Variants in MCPH1 observed in about 807,000 individuals in gnomAD.
MCPH1 encodes the protein microcephalin 1, also known as microcephalin.
A neutral mutation model predicts 84.5 loss-of-function variants in MCPH1; 104 were observed. The observed-to-expected ratio is 1.23, with a 90% CI of 1.05 to 1.45. The LOEUF is 1.45. Among genes scored for constraint, MCPH1 ranks in the 40% most tolerant of loss-of-function variants. The pLI is 0.00. For missense variants in MCPH1, 1,498 were observed against 1,005.7 expected (o/e 1.49, Z -6.62); for synonymous variants, 514 against 366.8 (o/e 1.40, Z -4.58).
chr8:6,436,668 T>TTA (rs1344640969), intron 5 of MCPH1, among the ~76,000 whole-genome samples: 4 of 150,918 alleles, frequency 2.7e-5, no homozygotes, highest in Admixed American at 6.6e-5. Flanking sequence ...AATAATATTT[T>TTA]TATATATAAG....
At chr8:6,611,797 T>C (rs1185491952) in intron 12 of MCPH1, among the ~76,000 whole-genome samples, 2 of 152,126 alleles carry the variant, frequency 1.3e-5, no homozygotes, top group Non-Finnish European at 2.9e-5. Context: ...TTTTTGTATT[T>C]TTAGCGGAGA....
At chr8:6,435,748 C>CA (rs1396615050) in intron 4 of MCPH1, among the ~76,000 whole-genome samples, 3 of 151,944 alleles carry the variant, frequency 2.0e-5, no homozygotes, top group African/African-American at 4.8e-5. Flanking sequence ...GTAAGAACAG[C>CA]AAAAAATCGA....
intron 13 of MCPH1, chr8:6,624,924 AG>A (rs2129581325): frequency 1.1e-6 from 1 of 907,132 alleles, no homozygotes; most frequent in African/African-American, 1.8e-5. Context: ...ACCAGGCTGG[AG>A]TGTGCAGTGA....
At chr8:6,482,059 C>T (rs1344248733) in intron 11 of MCPH1, among the ~76,000 whole-genome samples, 2 of 152,166 alleles carry the variant, frequency 1.3e-5, no homozygotes, top group African/African-American at 2.4e-5. Context: ...TGCTGCTTGC[C>T]CTCACTTAGT....
At chr8:6,510,680 G>C (rs962784798) in intron 12 of MCPH1, among the ~76,000 whole-genome samples, 9 of 152,176 alleles carry the variant, frequency 5.9e-5, no homozygotes, top group African/African-American at 1.7e-4. Context: ...ATTTGCACCA[G>C]ATGCAGCAAA....
At chr8:6,408,115 A>G (rs1797998723) in intron 1 of MCPH1, among the ~76,000 whole-genome samples, 1 of 152,228 alleles carries the variant, frequency 6.6e-6, no homozygotes, top group South Asian at 2.1e-4. Flanking sequence ...AAGCGTAAGA[A>G]TTTGGGGAAA....
intron 9 of MCPH1, among the ~76,000 whole-genome samples, chr8:6,465,604 G>C (rs935336483): frequency 9.9e-5 from 15 of 152,174 alleles, no homozygotes; most frequent in African/African-American, 3.6e-4. Context: ...CTTTGTTGTG[G>C]CTGGACGCAT....
intron 12 of MCPH1, chr8:6,562,525 C>G: frequency 1.2e-6 from 1 of 853,446 alleles, no homozygotes; most frequent in South Asian, 2.9e-5. Flanking sequence ...AACCCGCTCT[C>G]CAGCTCTAAT....
At chr8:6,513,961 G>T (rs1316436460) in intron 12 of MCPH1, 1 of 987,750 alleles carries the variant, frequency 1.0e-6, no homozygotes, top group East Asian at 2.7e-5. Flanking sequence ...ATTCCTTCTG[G>T]TGCTGTGACA....
intron 11 of MCPH1, chr8:6,494,471 G>C (rs1320905530): frequency 6.6e-6 from 1 of 152,178 alleles, no homozygotes; most frequent in Non-Finnish European, 1.5e-5. Flanking sequence ...GGGTAAGGCA[G>C]TTTCTTTATC....
chr8:6,584,521 C>T (rs557193934), intron 12 of MCPH1, among the ~76,000 whole-genome samples: 3 of 152,302 alleles, frequency 2.0e-5, no homozygotes, highest in Admixed American at 6.5e-5. Flanking sequence ...CACTTCACAT[C>T]TATAATAAAC....
chr8:6,429,865 A>C (rs996792184), intron 3 of MCPH1, among the ~76,000 whole-genome samples: 3 of 151,686 alleles, frequency 2.0e-5, no homozygotes, highest in African/African-American at 7.3e-5. Flanking sequence ...CCTCCCTCAC[A>C]CCTGTCCCCA....
chr8:6,643,154 G>C lies in MCPH1; in HGVS notation c.*105G>C. 1 of 926,528 alleles carries C rather than the reference G, an allele frequency of 1.1e-6. No homozygotes were observed. The allele number at this position is 926,528 out of a possible 1,614,324, so 57.4% of individuals were successfully genotyped here. ...GAAGAGAAGGAACTGGCGTATACAA[G>C]ATGACTTCTGATATCATGTTTGCCA... On this transcript the variant is annotated 3_prime_UTR_variant, in exon 14 of 14. Transcript: ENST00000344683.
At chr8:6,614,221 G>T (rs1168477354) in intron 12 of MCPH1, among the ~76,000 whole-genome samples, 1 of 152,230 alleles carries the variant, frequency 6.6e-6, no homozygotes, top group Non-Finnish European at 1.5e-5. Flanking sequence ...TGGTTTTGGA[G>T]ACGGTTGTGC....
intron 3 of MCPH1, among the ~76,000 whole-genome samples, chr8:6,425,294 A>G (rs1047061415): frequency 2.0e-5 from 3 of 152,204 alleles, no homozygotes; most frequent in African/African-American, 7.2e-5. Context: ...TTTGACCACT[A>G]GATGGTGGGA....
intron 6 of MCPH1, 28 bp from the exon 7 acceptor site, chr8:6,442,039 T>A (rs760821534): frequency 6.7e-7 from 1 of 1,489,936 alleles, no homozygotes; most frequent in East Asian, 2.3e-5. Flanking sequence ...AAACTTTATC[T>A]AATGCAGTGT....
chr8:6,646,336 T>C lies in MCPH1; in HGVS notation c.*3287T>C, dbSNP rs1190743514. The C allele has an allele frequency of 6.6e-6, 1 of 152,196 alleles. No individual in the cohort carries two copies. The highest frequency in any genetic ancestry group is 1.5e-5 in the Non-Finnish European group (1 of 68,046). 9.4% of individuals were successfully genotyped at this position (152,196 alleles called of 1,614,324 possible). On this transcript the variant is annotated 3_prime_UTR_variant, in exon 14 of 14. Coordinates refer to ENST00000344683, the MANE Select transcript of MCPH1 (RefSeq NM_024596.5). ...AGTTACTCAGGAGGCTGAAGCAGAA[T>C]AGCTTGAACCCAAGAGAGTCCAGCT...
At chr8:6,409,444 A>G in intron 2 of MCPH1, 74 bp downstream of exon 2, 1 of 1,271,854 alleles carries the variant, frequency 7.9e-7, no homozygotes, top group Non-Finnish European at 1.1e-6. Context: ...GCATTTTCTT[A>G]TTTTGGGAGT....
chr8:6,442,779 A>C (rs1378297334), intron 7 of MCPH1, among the ~76,000 whole-genome samples: 1 of 152,360 alleles, frequency 6.6e-6, no homozygotes, highest in South Asian at 2.1e-4. Context: ...GTGATCCCTG[A>C]AAGTACTATG....
Sources: gnomAD v4.1 joint callset for allele counts (sites outside exome capture counted in the v4.1 genomes callset) on GRCh38, gnomAD v4.1.1 for gene constraint, MANE v1.5 for transcripts, NCBI Gene and HGNC (gene_info 2026-07-23, HGNC 2026-07-21) for gene names.